The following IL9R variants were observed in gnomAD, a reference collection of about 807,000 sequenced individuals.
The protein encoded by IL9R is interleukin-9 receptor.
In IL9R, 54 loss-of-function variants were observed where a neutral mutation model predicts 56.3. The observed-to-expected ratio is 0.96, with a 90% CI of 0.77 to 1.20. IL9R has a LOEUF of 1.20. Among genes scored for constraint, IL9R ranks in the 50% most tolerant of loss-of-function variants. The probability of loss-of-function intolerance (pLI) is 0.00; values close to 1 mark genes in which losing one functional copy is unlikely to be tolerated. For synonymous variants in IL9R, 212 were observed against 250.2 expected (o/e 0.85, Z 1.44); for missense variants, 545 against 629.8 (o/e 0.87, Z 1.44).
In IL9R at chrX:156,005,378, AGATGGCCACACTGGAGGAT is replaced by A. The variant is rs747309891; in HGVS notation, c.685_703del (p.Ala229TrpfsTer2). On this transcript the variant is annotated frameshift_variant, in exon 6 of 9. Transcript: ENST00000244174. LOFTEE classifies it high-confidence loss of function. Reference sequence around the variant, plus strand: ...ATCCATGAGGCCAGGCTGCGTGTCCAGATGGCCACACTGGAGGATGATGTGGTAGAGGAGGAGCGTTATA... The same window carrying A: ...ATCCATGAGGCCAGGCTGCGTGTCCAGATGTGGTAGAGGAGGAGCGTTATA... 2 of 1,612,980 alleles carry A rather than the reference AGATGGCCACACTGGAGGAT, an allele frequency of 1.2e-6. No homozygotes were observed. Among genetic ancestry groups the A allele is most frequent in the Admixed American group, 3.3e-5 (2 of 59,990 alleles).
At chrX:156,000,746 C>G (rs2067463942) in intron 1 of IL9R, among the ~76,000 whole-genome samples, 1 of 152,214 alleles carries the variant, frequency 6.6e-6, no homozygotes. Flanking sequence ...TGGGGGAAGG[C>G]AGCTCTGCCT....
At chrX:156,004,883 T>G (rs1330557126) in intron 5 of IL9R, among the ~76,000 whole-genome samples, 1 of 152,132 alleles carries the variant, frequency 6.6e-6, no homozygotes, top group Non-Finnish European at 1.5e-5. Context: ...TATATGTAAG[T>G]GTACATATGT....
intron 1 of IL9R, among the ~76,000 whole-genome samples, chrX:156,001,787 C>T (rs929694321): frequency 1.3e-5 from 2 of 152,184 alleles, no homozygotes; most frequent in Non-Finnish European, 2.9e-5. Flanking sequence ...CCTTCCCACA[C>T]CCAAGCACTT....
At chrX:156,002,882 G>C in intron 1 of IL9R, 24 bp from the exon 2 acceptor site, 1 of 1,613,494 alleles carries the variant, frequency 6.2e-7, no homozygotes, top group Non-Finnish European at 8.5e-7. Flanking sequence ...ATTTGCACAG[G>C]GCCCTCAGCC....
Position 156,003,552 on chromosome X carries a change from C to G in IL9R, c.246C>G (p.Leu82=), listed in dbSNP as rs769962448. ...GACAGGGCTCCAGCCCCTGGCTCCT[C>G]TTCACCAGGTGAGCATGGAGGGCCA... is the stretch of plus-strand genomic sequence containing the variant. ...ELGQGSSPWL[L]FTSNQAPGGT... Residue 82 remains leucine (L), a synonymous_variant, in exon 3 of 9, where the codon CTC becomes CTG. Coordinates refer to ENST00000244174, the MANE Select transcript of IL9R (RefSeq NM_002186.3). 5.6e-6 allele frequency: 9 copies of G among 1,612,900 alleles called. No individual in the cohort carries two copies. Among genetic ancestry groups the G allele is most frequent in the African/African-American group, 5.3e-5 (4 of 75,028 alleles).
At position 156,004,515 on chromosome X, in the gene IL9R, A is replaced by C. The variant is rs755612166; in HGVS notation, c.529A>C (p.Thr177Pro). The change falls in exon 5 of 9, where the codon ACA becomes CCA. Residue 177 changes from threonine (T) to proline (P), a missense_variant. Physicochemically the swap from Thr to Pro is conservative, Grantham distance 38 (BLOSUM62 -1). Transcript: ENST00000244174. ...CAGTCCTGCCTTGGAGCCAATGACC[A>C]CACTTCTCAGCTATGAGCTGGCCTT... ...SISPALEPMTTLLSYELAFKK... is the reference protein window; with the variant it reads ...SISPALEPMTPLLSYELAFKK... The C allele has an allele frequency of 8.7e-6, 14 of 1,613,354 alleles. No homozygotes were observed. Among genetic ancestry groups the C allele is most frequent in the Non-Finnish European group, 1.1e-5 (13 of 1,179,832 alleles).
chrX:156,003,638 G>A (rs1209800090), intron 3 of IL9R, 39 bp from the exon 4 acceptor site: 6 of 1,612,230 alleles, frequency 3.7e-6, no homozygotes, highest in Non-Finnish European at 5.1e-6. Flanking sequence ...TGCCAGGACA[G>A]TGTAGCAGCC....
At chrX:156,009,671 C>A in intron 8 of IL9R, 145 bp from the exon 9 acceptor site, 1 of 511,930 alleles carries the variant, frequency 2.0e-6, no homozygotes, top group Non-Finnish European at 3.2e-6. Flanking sequence ...AAGACACAGG[C>A]GCTGCTTGGC....
At chrX:156,008,869 CTGTGTGTG>C (rs1283159353) in intron 8 of IL9R, among the ~76,000 whole-genome samples, 1 of 147,810 alleles carries the variant, frequency 6.8e-6, no homozygotes, top group African/African-American at 2.5e-5. Context: ...GTGTGTGTGT[CTGTGTGTG>C]TGTGTGTGTG....
rs763158031 is a variant in IL9R at position 156,003,888 on chromosome X, G to A, written c.433+33G>A. On this transcript the variant is annotated intron_variant, in intron 4 of 8. Coordinates refer to ENST00000244174, the MANE Select transcript of IL9R (RefSeq NM_002186.3). ...GCAGCTATAGGTCTGGGGCGGGGCC[G>A]CTTGGCAAGAACATCCTGGCTGCTT... is the stretch of plus-strand genomic sequence containing the variant. The A allele has an allele frequency of 2.7e-5, 43 of 1,609,628 alleles. 1 individual carries two copies. Among genetic ancestry groups the A allele is most frequent in the South Asian group, 2.5e-4 (23 of 90,676 alleles).
At chrX:156,003,582 C>G in intron 3 of IL9R, 22 bp downstream of exon 3, 3 of 1,608,576 alleles carry the variant, frequency 1.9e-6, no homozygotes, top group Non-Finnish European at 1.7e-6. Context: ...GGGCCATGCC[C>G]ACCTGGACAG....
In IL9R at chrX:156,005,400, T is replaced by A. The variant is rs918602517; in HGVS notation, c.702T>A (p.Asp234Glu). The A allele has an allele frequency of 6.2e-7, 1 of 1,612,958 alleles. No individual in the cohort carries two copies. Among genetic ancestry groups the A allele is most frequent in the Non-Finnish European group, 8.5e-7 (1 of 1,179,796 alleles). ...LRVQMATLED[D>E]VVEEERYTGQ... The stretch of plus-strand genomic sequence containing the variant: ...TCCAGATGGCCACACTGGAGGATGA[T>A]GTGGTAGAGGAGGAGCGTTATACAG... Residue 234 changes from aspartate to glutamate, a missense_variant, in exon 6 of 9, where the codon GAT (aspartate) becomes GAA (glutamate). This residue lies in a region of IL9R where 431 missense variants were observed against 360.0 expected (regional missense o/e 1.20). Transcript: ENST00000244174.
chrX:156,006,366 T>C (rs868811290), intron 7 of IL9R, among the ~76,000 whole-genome samples, 178 bp downstream of exon 7: 3,537 of 139,500 alleles, frequency 0.025, 89 homozygotes, highest in African/African-American at 0.086. Context: ...CTGGACGGGG[T>C]GGGCTTTTCG....
Position 156,005,442 on chromosome X carries a change from G to A in IL9R, c.744G>A (p.Trp248Ter), listed in dbSNP as rs768099292. The change falls in exon 6 of 9, where the codon TGG becomes TGA. Residue 248 changes from tryptophan to a stop codon, truncating the protein, a stop_gained. Transcript: ENST00000244174. LOFTEE classifies it high-confidence loss of function. ...EERYTGQWSE[W>*]SQPVCFQAPQ... ...GTTATACAGGCCAGTGGAGTGAGTG[G>A]AGCCAGCCTGTGTGCTTCCAGGCTC... 1.2e-6 allele frequency: 2 copies of A among 1,613,106 alleles called. No individual in the cohort carries two copies. The highest frequency in any genetic ancestry group is 1.7e-6 in the Non-Finnish European group (2 of 1,179,842).
intron 8 of IL9R, among the ~76,000 whole-genome samples, chrX:156,009,061 TTGTGTGTGTGTC>T (rs1166203018): frequency 8.2e-4 from 100 of 121,834 alleles, no homozygotes; most frequent in Admixed American, 2.0e-3. Context: ...CTGTGTGTGT[TTGTGTGTGTGTC>T]TGTGTGTGTT....
intron 1 of IL9R, 78 bp downstream of exon 1, chrX:155,997,865 C>A: frequency 7.5e-7 from 1 of 1,331,138 alleles, no homozygotes; most frequent in Non-Finnish European, 1.1e-6. Flanking sequence ...TGTGGCCCTC[C>A]AACTCGGGGC....
intron 8 of IL9R, among the ~76,000 whole-genome samples, chrX:156,009,213 GTGTT>G (rs1487128602): frequency 8.4e-5 from 10 of 118,882 alleles, no homozygotes; most frequent in African/African-American, 2.0e-4. Flanking sequence ...GTGTCTGTGT[GTGTT>G]TATGTGTCTG....
chrX:156,004,375 C>T (rs770375827), intron 4 of IL9R, 45 bp from the exon 5 acceptor site: 18 of 1,609,478 alleles, frequency 1.1e-5, no homozygotes, highest in South Asian at 2.2e-5. Context: ...CTGACACACC[C>T]AGACCCATGG....
At chrX:155,999,788 T>C (rs2067388341) in intron 1 of IL9R, among the ~76,000 whole-genome samples, 1 of 152,102 alleles carries the variant, frequency 6.6e-6, no homozygotes, top group Non-Finnish European at 1.5e-5. Context: ...GCCAGCCTCC[T>C]GAATGGTCCA....
Sources: allele counts gnomAD v4.1 joint callset (sites outside exome capture counted in the v4.1 genomes callset), GRCh38; gene constraint gnomAD v4.1.1; regional missense constraint gnomAD v4.1.1; transcripts MANE v1.5; gene names NCBI Gene and HGNC (gene_info 2026-07-23, HGNC 2026-07-21).